Variants in GRIK2 observed in about 807,000 individuals in gnomAD.
GRIK2 encodes glutamate receptor ionotropic, kainate 2.
GRIK2 carries 32 observed loss-of-function variants against 100.3 expected under a neutral mutation model. The ratio of observed to expected loss-of-function variants is 0.32; its 90% confidence interval spans 0.24 to 0.43. The LOEUF (loss-of-function observed/expected upper bound fraction) is 0.43. Ranked by LOEUF, GRIK2 falls within the 20% of genes least tolerant of loss-of-function variation. The probability of loss-of-function intolerance (pLI) is 1.00; values close to 1 mark genes in which losing one functional copy is unlikely to be tolerated. For synonymous variants in GRIK2, 417 were observed against 389.4 expected (o/e 1.07, Z -0.83); for missense variants, 843 against 1,114.9 (o/e 0.76, Z 3.47).
At chr6:102,038,298 C>G (rs1770380349) in intron 15 of GRIK2, among the ~76,000 whole-genome samples, 1 of 151,310 alleles carries the variant, frequency 6.6e-6, no homozygotes, top group South Asian at 2.1e-4. Flanking sequence ...CTGCCATTAT[C>G]CTATAGTTTC....
At chr6:101,550,189 T>C (rs1776437672) in intron 2 of GRIK2, among the ~76,000 whole-genome samples, 1 of 152,218 alleles carries the variant, frequency 6.6e-6, no homozygotes, top group South Asian at 2.1e-4. Flanking sequence ...ATTAGTAACA[T>C]TGAAATACAT....
intron 2 of GRIK2, among the ~76,000 whole-genome samples, chr6:101,474,463 T>C (rs1030758454): frequency 6.6e-6 from 1 of 151,904 alleles, no homozygotes; most frequent in Non-Finnish European, 1.5e-5. Context: ...TTCATTTTAA[T>C]TATAATAAAT....
At chr6:102,047,887 G>T (rs1275673877) in intron 15 of GRIK2, among the ~76,000 whole-genome samples, 2 of 151,340 alleles carry the variant, frequency 1.3e-5, no homozygotes, top group Non-Finnish European at 2.9e-5. Context: ...TTACAAAAAG[G>T]CCTAATACTC....
chr6:101,694,590 T>C (rs894377089), intron 7 of GRIK2, among the ~76,000 whole-genome samples: 1 of 152,114 alleles, frequency 6.6e-6, no homozygotes, highest in Non-Finnish European at 1.5e-5. Flanking sequence ...ATATTCATAA[T>C]ATCCTACAGC....
intron 4 of GRIK2, among the ~76,000 whole-genome samples, chr6:101,670,230 T>G (rs1770329573): frequency 6.6e-6 from 1 of 152,094 alleles, no homozygotes; most frequent in African/African-American, 2.4e-5. Flanking sequence ...CTAGGATCAG[T>G]GTCTTACACA....
At chr6:101,588,415 A>G (rs1290933503) in intron 2 of GRIK2, among the ~76,000 whole-genome samples, 2 of 152,008 alleles carry the variant, frequency 1.3e-5, no homozygotes, top group Non-Finnish European at 2.9e-5. Flanking sequence ...TTCAGGATAA[A>G]TGTAGAAAGG....
At chr6:101,755,762 A>G (rs1202757973) in intron 7 of GRIK2, among the ~76,000 whole-genome samples, 1 of 152,200 alleles carries the variant, frequency 6.6e-6, no homozygotes, top group Non-Finnish European at 1.5e-5. Context: ...CTATAGTAAC[A>G]TTAATACAAT....
intron 10 of GRIK2, among the ~76,000 whole-genome samples, chr6:101,831,213 C>T (rs554456004): frequency 2.8e-4 from 42 of 152,116 alleles, no homozygotes; most frequent in South Asian, 2.1e-3. Flanking sequence ...TTAATAGTAT[C>T]GAGATATCAA....
At chr6:101,753,416 GTTCT>G (rs1201502283) in intron 7 of GRIK2, among the ~76,000 whole-genome samples, 1 of 151,368 alleles carries the variant, frequency 6.6e-6, no homozygotes, top group Non-Finnish European at 1.5e-5. Flanking sequence ...AAATCATTTT[GTTCT>G]TTCTTAAGAT....
intron 12 of GRIK2, among the ~76,000 whole-genome samples, chr6:101,896,997 AACACACACACACAC>A (rs10588904): frequency 9.5e-5 from 14 of 147,816 alleles, no homozygotes; most frequent in African/African-American, 2.5e-4. Context: ...CATTGTATTT[AACACACACACACAC>A]ACACACACAC....
In GRIK2 at chr6:101,990,558, TGA is replaced by T. The variant is rs369111929; in HGVS notation, c.2086-44776_2086-44775del. Among the ~76,000 whole-genome samples, 6 of 151,722 alleles carry T rather than the reference TGA, an allele frequency of 4.0e-5. 1 individual carries two copies. Among genetic ancestry groups the T allele is most frequent in the African/African-American group, 1.4e-4 (6 of 41,518 alleles). ...TGGGGCAGGAAATGAAAACTTAGCA[TGA>T]GAGAGACAGAACATGCTATGAAAAT... On this transcript the variant is annotated intron_variant, in intron 14 of 16. Coordinates refer to ENST00000369134, the MANE Select transcript of GRIK2 (RefSeq NM_021956.5).
At chr6:101,648,155 C>T (rs549037978) in intron 4 of GRIK2, among the ~76,000 whole-genome samples, 1 of 152,064 alleles carries the variant, frequency 6.6e-6, no homozygotes, top group East Asian at 1.9e-4. Context: ...TTCAGACTTG[C>T]AGTAAAGATA....
In GRIK2 at chr6:101,600,890, CT is replaced by C. The variant is rs372627115; in HGVS notation, c.116-21051del. On this transcript the variant is annotated intron_variant, in intron 2 of 16. Transcript: ENST00000369134. The stretch of plus-strand genomic sequence containing the variant: ...ATTTCTTCTTTTCTGATTTGTATTC[CT>C]TTTTTTTATTTCTCTTTCCTGATTG... Among the ~76,000 whole-genome samples the C allele has an allele frequency of 5.3e-5, 8 of 151,582 alleles. No individual in the cohort carries two copies. The East Asian group carries it at 1.4e-3, about 26-fold the overall frequency.
Position 102,070,056 on chromosome 6 carries a change from C to A in GRIK2, c.*1545C>A, listed in dbSNP as rs1325121880. ...TCCAATGCACAAAATTAAAAAAAAT[C>A]ATTAAAACTATGTTCATTTTACTTT... is the stretch of plus-strand genomic sequence containing the variant. On this transcript the variant is annotated 3_prime_UTR_variant, in exon 17 of 17. Transcript: ENST00000369134. 12 of 151,960 alleles carry A rather than the reference C, an allele frequency of 7.9e-5. No individual in the cohort carries two copies. Among genetic ancestry groups the A allele is most frequent in the Admixed American group, 7.9e-4 (12 of 15,214 alleles). 9.4% of individuals were successfully genotyped at this position (151,960 alleles called of 1,614,324 possible).
At chr6:101,792,018 T>G (rs9377304) in intron 7 of GRIK2, among the ~76,000 whole-genome samples, 16,254 of 151,494 alleles carry the variant, frequency 0.11, 1,684 homozygotes, top group East Asian at 0.62. Flanking sequence ...TATCAGAGAC[T>G]AGGATTGCAA....
At chr6:101,951,541 A>G (rs901712341) in intron 14 of GRIK2, among the ~76,000 whole-genome samples, 6 of 152,210 alleles carry the variant, frequency 3.9e-5, no homozygotes, top group Non-Finnish European at 7.3e-5. Context: ...GAGACATTCC[A>G]TGTAGACTGA....
At chr6:101,461,133 G>A (rs1771287028) in intron 2 of GRIK2, among the ~76,000 whole-genome samples, 1 of 152,150 alleles carries the variant, frequency 6.6e-6, no homozygotes, top group Non-Finnish European at 1.5e-5. Context: ...ATGAAACCAT[G>A]TGGACATTTA....
chr6:101,924,836 C>A (rs1789784005), intron 13 of GRIK2, 117 bp downstream of exon 13: 3 of 664,194 alleles, frequency 4.5e-6, no homozygotes, highest in Non-Finnish European at 8.3e-6. Flanking sequence ...TAACCATAAT[C>A]CAGCTTTTCC....
intron 14 of GRIK2, among the ~76,000 whole-genome samples, chr6:101,992,478 T>C (rs1171223323): frequency 6.6e-6 from 1 of 151,610 alleles, no homozygotes; most frequent in Non-Finnish European, 1.5e-5. Flanking sequence ...GCAAAAATAA[T>C]GAGCCCGTCA....
Sources: allele counts gnomAD v4.1 joint callset (sites outside exome capture counted in the v4.1 genomes callset), GRCh38; gene constraint gnomAD v4.1.1; transcripts MANE v1.5; gene names NCBI Gene and HGNC (gene_info 2026-07-23, HGNC 2026-07-21).